Variants in DOCK8 observed in about 807,000 individuals in gnomAD.
DOCK8 encodes the protein dedicator of cytokinesis 8, also known as dedicator of cytokinesis protein 8.
In DOCK8, 141 loss-of-function variants were observed where a neutral mutation model predicts 245.6. The observed-to-expected ratio is 0.57, with a 90% CI of 0.50 to 0.66. The LOEUF (loss-of-function observed/expected upper bound fraction) is 0.66. Among genes scored for constraint, DOCK8 ranks in the 30% least tolerant of loss-of-function variants. DOCK8 has a pLI of 0.00. For synonymous variants in DOCK8, 1,168 were observed against 970.2 expected (o/e 1.20, Z -3.79); for missense variants, 2,965 against 2,603.4 (o/e 1.14, Z -3.02).
intron 5 of DOCK8, among the ~76,000 whole-genome samples, chr9:304,905 C>G (rs1201219014): frequency 6.6e-6 from 1 of 151,118 alleles, no homozygotes; most frequent in Non-Finnish European, 1.5e-5. Flanking sequence ...CCCAGAAACC[C>G]AATGATTAAA....
At chr9:379,204 C>G (rs2053637620) in intron 20 of DOCK8, among the ~76,000 whole-genome samples, 1 of 152,114 alleles carries the variant, frequency 6.6e-6, no homozygotes, top group Admixed American at 6.6e-5. Context: ...AGGCTTAGGG[C>G]ACCAGAACAA....
rs139007248 is a variant in DOCK8, at chr9:414,658, A to G, written c.3531-124A>G. On this transcript the variant is annotated intron_variant, in intron 28 of 47. Transcript: ENST00000432829. ...TCTGGATTCTATGTAGTTCTATCCT[A>G]TATTGCTTGGTTTTCACAGTCACCT... The G allele has an allele frequency of 1.9e-4, 221 of 1,160,080 alleles. 1 individual carries two copies. Among genetic ancestry groups the G allele is most frequent in the African/African-American group, 1.7e-3 (114 of 65,496 alleles). The allele number at this position is 1,160,080 out of a possible 1,614,324, so 71.9% of individuals were successfully genotyped here. A position where few individuals can be genotyped will look rare whatever the true frequency, so the allele number is the denominator to read the frequency against.
Position 396,888 on chromosome 9 carries a change from A to G in DOCK8, c.3074A>G (p.Asn1025Ser). Reference sequence around the variant, plus strand: ...ATGGATGACATAACTACTATTGTTAATGTGGTCACCTCGGAAATTGCAGCC... The same window carrying G: ...ATGGATGACATAACTACTATTGTTAGTGTGGTCACCTCGGAAATTGCAGCC... ...RFMDDITTIV[N>S]VVTSEIAALL... Residue 1025 changes from asparagine to serine, a missense_variant, in exon 25 of 48, where the codon AAT becomes AGT. Coordinates refer to ENST00000432829, the MANE Select transcript of DOCK8 (RefSeq NM_203447.4). The G allele has an allele frequency of 6.2e-7, 1 of 1,614,176 alleles. No individual in the cohort carries two copies. Among genetic ancestry groups the G allele is most frequent in the Non-Finnish European group, 8.5e-7 (1 of 1,180,038 alleles).
rs149153053 is a variant in DOCK8, at chr9:244,276, C to CCA, written c.54-27335_54-27334dup. 9.7e-4 allele frequency among the ~76,000 whole-genome samples: 146 copies of CCA among 149,878 alleles called. 1 individual carries two copies. Among genetic ancestry groups the CCA allele is most frequent in the African/African-American group, 2.8e-3 (113 of 40,856 alleles). On this transcript the variant is annotated intron_variant, in intron 1 of 47. Transcript: ENST00000432829. ...ACTTTACAATCTAGTATTCCCCCCA[C>CCA]CACACACACACACACACGCACACAC... is the stretch of plus-strand genomic sequence containing the variant.
chr9:355,386 T>G (rs1488948637), intron 14 of DOCK8, among the ~76,000 whole-genome samples: 3 of 151,846 alleles, frequency 2.0e-5, no homozygotes, highest in South Asian at 4.2e-4. Context: ...TGTATTTTAG[T>G]AGAGACTGGG....
chr9:452,166 G>GAT, intron 46 of DOCK8, 49 bp downstream of exon 46: 1 of 1,273,868 alleles, frequency 7.9e-7, no homozygotes, highest in Non-Finnish European at 1.1e-6. Context: ...GGTTCTCAAA[G>GAT]TGCAATCTTA....
chr9:327,995 A>G (rs2050840869), intron 8 of DOCK8, 27 bp from the exon 9 acceptor site: 2 of 1,609,268 alleles, frequency 1.2e-6, no homozygotes, highest in African/African-American at 1.3e-5. Flanking sequence ...GGTCTAACTT[A>G]TATTTCACTT....
chr9:316,526 G>C (rs887807096), intron 6 of DOCK8, among the ~76,000 whole-genome samples: 32 of 152,150 alleles, frequency 2.1e-4, no homozygotes, highest in African/African-American at 7.5e-4. Context: ...TCAACCCCAA[G>C]TCTCTATCAT....
chr9:329,734 A>G (rs1586714990), intron 9 of DOCK8, among the ~76,000 whole-genome samples: 1 of 152,202 alleles, frequency 6.6e-6, no homozygotes, highest in African/African-American at 2.4e-5. Flanking sequence ...CTCAAACTCT[A>G]CTTCCCAGTG....
chr9:411,460 A>G (rs758291221), intron 28 of DOCK8, among the ~76,000 whole-genome samples: 1 of 152,078 alleles, frequency 6.6e-6, no homozygotes, highest in Non-Finnish European at 1.5e-5. Flanking sequence ...AAAACTTCCT[A>G]CAATAAAAGC....
chr9:439,021 A>G (rs779230110), intron 39 of DOCK8, among the ~76,000 whole-genome samples: 3 of 152,146 alleles, frequency 2.0e-5, no homozygotes, highest in Non-Finnish European at 4.4e-5. Flanking sequence ...AAATCTCCTA[A>G]TGGTTAAAAA....
At chr9:427,176 C>G (rs2056534343) in intron 34 of DOCK8, among the ~76,000 whole-genome samples, 195 bp downstream of exon 34, 1 of 152,204 alleles carries the variant, frequency 6.6e-6, no homozygotes, top group Admixed American at 6.5e-5. Flanking sequence ...ATTCTTCTGG[C>G]TTCTTTGACT....
chr9:464,039 A>G (rs183169259), intron 47 of DOCK8, 120 bp from the exon 48 acceptor site: 3 of 883,184 alleles, frequency 3.4e-6, no homozygotes, highest in South Asian at 1.3e-5. Flanking sequence ...TGAGTTGTCC[A>G]TGACTGATGT....
intron 42 of DOCK8, 134 bp downstream of exon 42, chr9:442,143 A>C: frequency 1.5e-6 from 2 of 1,314,112 alleles, no homozygotes; most frequent in Non-Finnish European, 2.1e-6. Flanking sequence ...TCCCCTTTGC[A>C]TTTATAAAAG....
chr9:330,451 A>G (rs11998923), intron 9 of DOCK8, among the ~76,000 whole-genome samples: 28,898 of 152,110 alleles, frequency 0.19, 3,002 homozygotes, highest in Non-Finnish European at 0.22. Context: ...TCCAGTTAAA[A>G]AAACAACTTG....
At chr9:347,404 G>C (rs1297997023) in intron 14 of DOCK8, among the ~76,000 whole-genome samples, 4 of 152,156 alleles carry the variant, frequency 2.6e-5, no homozygotes, top group Admixed American at 6.5e-5. Flanking sequence ...TACTTGTGAG[G>C]CTGAGGTGGG....
At position 426,142 on chromosome 9, in the gene DOCK8, T is replaced by C. The variant is rs544014387; in HGVS notation, c.4242-743T>C. On this transcript the variant is annotated intron_variant, in intron 33 of 47. Transcript: ENST00000432829. Reference sequence around the variant, plus strand: ...CAAAATATCCCTTTACAGCTTCACTTAGATTTCATAAGAATGGATGGGCTA... The same window carrying C: ...CAAAATATCCCTTTACAGCTTCACTCAGATTTCATAAGAATGGATGGGCTA... Among the ~76,000 whole-genome samples, 4 of 152,290 alleles carry C rather than the reference T, an allele frequency of 2.6e-5. No individual in the cohort carries two copies. The South Asian group carries it at 8.3e-4, about 32-fold the overall frequency.
intron 46 of DOCK8, among the ~76,000 whole-genome samples, chr9:455,111 G>A (rs373576761): frequency 3.3e-5 from 5 of 152,124 alleles, no homozygotes; most frequent in Admixed American, 6.5e-5. Flanking sequence ...CTCCCCACTG[G>A]CTGGGCTGCT....
intron 20 of DOCK8, 35 bp downstream of exon 20, chr9:377,246 G>A (rs1260659196): frequency 1.3e-6 from 2 of 1,528,902 alleles, no homozygotes; most frequent in Non-Finnish European, 1.8e-6. Context: ...GGAGGAGGCA[G>A]GAGCAAGCAA....
Sources: allele counts gnomAD v4.1 joint callset (sites outside exome capture counted in the v4.1 genomes callset), GRCh38; gene constraint gnomAD v4.1.1; transcripts MANE v1.5; gene names NCBI Gene and HGNC (gene_info 2026-07-23, HGNC 2026-07-21).